LTN1: variants seen among roughly 807,000 people sequenced by gnomAD.
LTN1 encodes E3 ubiquitin-protein ligase listerin.
LTN1 carries 88 observed loss-of-function variants against 201.2 expected under a neutral mutation model. The ratio of observed to expected loss-of-function variants is 0.44; its 90% CI spans 0.37 to 0.52. LTN1 has a LOEUF of 0.52. LTN1 is among the 20% of genes least tolerant of loss of function. LTN1 has a pLI of 0.00. For missense variants in LTN1, 1,752 were observed against 2,038.7 expected (o/e 0.86, Z 2.71); for synonymous variants, 645 against 713.5 (o/e 0.90, Z 1.53).
rs1392399693 is a variant in LTN1, at chr21:28,953,574, C to T, written c.3080-198G>A. On this transcript the variant is annotated intron_variant, in intron 16 of 29. Coordinates refer to ENST00000361371, the MANE Select transcript of LTN1 (RefSeq NM_015565.3). ...ATATATGTCTGATACAAAATACCACCCTTTTCCCAAATTCTACTTGGTCCT... is the reference window on the plus strand; with the variant it reads ...ATATATGTCTGATACAAAATACCACTCTTTTCCCAAATTCTACTTGGTCCT... Among the ~76,000 whole-genome samples, 4 of 152,260 alleles carry T rather than the reference C, an allele frequency of 2.6e-5. No individual in the cohort carries two copies. In the East Asian group the frequency reaches 7.7e-4, roughly 29 times the overall value.
At chr21:28,981,364 T>G (rs2084657501) in intron 5 of LTN1, 65 bp from the exon 6 acceptor site, 1 of 897,312 alleles carries the variant, frequency 1.1e-6, no homozygotes, top group African/African-American at 1.7e-5. Flanking sequence ...TATCTGGTGG[T>G]TCTATTTAAA....
chr21:28,947,438 G>A, intron 19 of LTN1, 26 bp downstream of exon 19: 2 of 1,484,640 alleles, frequency 1.3e-6, no homozygotes, highest in East Asian at 2.6e-5. Context: ...TTAAATTAAT[G>A]AAATATTTAT....
rs1449513831 is a variant in LTN1 at position 28,928,530 on chromosome 21, TA to T, written c.*1917del. ...TTTTAAGGGCTGTAATCCTTTTAGT[TA>T]GAGTTGTCAACGCTGTACAGATGTG... On this transcript the variant is annotated 3_prime_UTR_variant, in exon 30 of 30. Coordinates refer to ENST00000361371, the MANE Select transcript of LTN1 (RefSeq NM_015565.3). 1 of 150,372 alleles carries T rather than the reference TA, an allele frequency of 6.7e-6. No homozygotes were observed. Among genetic ancestry groups the T allele is most frequent in the African/African-American group, 2.5e-5 (1 of 40,594 alleles). 9.3% of individuals were successfully genotyped at this position (150,372 alleles called of 1,614,324 possible). A position where few individuals can be genotyped will look rare whatever the true frequency, so the allele number is the denominator to read the frequency against.
At chr21:28,973,656 G>A (rs556969672) in intron 6 of LTN1, among the ~76,000 whole-genome samples, 1 of 152,154 alleles carries the variant, frequency 6.6e-6, no homozygotes, top group East Asian at 1.9e-4. Context: ...TAGAAATCAA[G>A]CATTCATTCA....
At chr21:28,969,633 T>C (rs1019707152) in intron 8 of LTN1, 32 bp from the exon 9 acceptor site, 20 of 1,519,828 alleles carry the variant, frequency 1.3e-5, no homozygotes, top group Non-Finnish European at 1.6e-5. Flanking sequence ...GATTACTCTT[T>C]CATGAAGAAG....
chr21:28,970,653 G>A lies in LTN1; in HGVS notation c.1074C>T (p.Val358=). Reference sequence around the variant, plus strand: ...TGAATGGCAGAAGGTAAGGATATATGACAGTAGCTAGACCCCGACCACCTT... The same window carrying A: ...TGAATGGCAGAAGGTAAGGATATATAACAGTAGCTAGACCCCGACCACCTT... ...IREGGRGLAT[V]IYPYLLPFIS... Residue 358 remains valine (V), a synonymous_variant, in exon 8 of 30, where the codon GTC becomes GTT. Transcript: ENST00000361371. 1 of 1,613,752 alleles carries A rather than the reference G, an allele frequency of 6.2e-7. No individual in the cohort carries two copies. The highest frequency in any genetic ancestry group is 2.2e-5 in the East Asian group (1 of 44,862).
chr21:28,946,192 A>G lies in LTN1; in HGVS notation c.3583T>C (p.Ser1195Pro). The stretch of plus-strand genomic sequence containing the variant: ...ATATCTTCATGCTCTTTCTTCCAGG[A>G]TATTATGATTTTTAATATTCCATGT... ...LLHGILKIII[S>P]WKKEHEDIFL... is the part of the protein sequence containing the mutation. Residue 1195 changes from serine to proline, a missense_variant, in exon 20 of 30, where the codon TCC becomes CCC. Around this residue, in one of 3 missense-constraint regions of LTN1, gnomAD observed 1,211 missense variants for 1,312.8 expected, o/e 0.92. Coordinates refer to ENST00000361371, the MANE Select transcript of LTN1 (RefSeq NM_015565.3). The G allele has an allele frequency of 1.3e-6, 2 of 1,588,944 alleles. No homozygotes were observed. Among genetic ancestry groups the G allele is most frequent in the Admixed American group, 3.7e-5 (2 of 54,696 alleles).
intron 6 of LTN1, among the ~76,000 whole-genome samples, chr21:28,977,317 T>C (rs1277595842): frequency 2.8e-5 from 4 of 144,568 alleles, no homozygotes; most frequent in African/African-American, 7.8e-5. Context: ...GAGGTTGCAG[T>C]GAGCTGAGAT....
At chr21:28,978,073 G>A (rs2084630520) in intron 6 of LTN1, among the ~76,000 whole-genome samples, 1 of 151,990 alleles carries the variant, frequency 6.6e-6, no homozygotes, top group Non-Finnish European at 1.5e-5. Context: ...TCTTCCCCTA[G>A]GCTGGAGTGC....
chr21:28,966,828 AT>A lies in LTN1; in HGVS notation c.1662del (p.Lys554AsnfsTer15). 6.2e-7 allele frequency: 1 copy of A among 1,611,678 alleles called. No homozygotes were observed. On this transcript the variant is annotated frameshift_variant, in exon 10 of 30. Coordinates refer to ENST00000361371, the MANE Select transcript of LTN1 (RefSeq NM_015565.3). LOFTEE classifies it high-confidence loss of function. ...ATCTTCTCTCCTTCTGAAGATACAC[AT>A]TTTTCATTCTCTTTATTGCTTTCAA... ...EILESNKENE[K>X]CVSSEGEKIE...
At chr21:28,947,786 TCC>T (rs1017773323) in intron 18 of LTN1, among the ~76,000 whole-genome samples, 180 bp from the exon 19 acceptor site, 8 of 152,004 alleles carry the variant, frequency 5.3e-5, no homozygotes, top group Non-Finnish European at 8.8e-5. Context: ...TTTTTTTTGC[TCC>T]TTTTCTCTTT....
chr21:28,972,946 T>C (rs1179344398), intron 6 of LTN1, among the ~76,000 whole-genome samples: 2 of 152,214 alleles, frequency 1.3e-5, no homozygotes, highest in Non-Finnish European at 2.9e-5. Flanking sequence ...ATAAGACTGA[T>C]AGTTAATTTT....
intron 6 of LTN1, among the ~76,000 whole-genome samples, chr21:28,979,276 A>G (rs987337703): frequency 1.3e-5 from 2 of 152,244 alleles, no homozygotes; most frequent in African/African-American, 4.8e-5. Flanking sequence ...GAAATTAGGT[A>G]TGCACACACT....
chr21:28,974,896 A>G (rs953795717), intron 6 of LTN1, among the ~76,000 whole-genome samples: 2 of 152,186 alleles, frequency 1.3e-5, no homozygotes, highest in Admixed American at 1.3e-4. Flanking sequence ...GCTTAAAGCT[A>G]AAACAAGAAA....
intron 7 of LTN1, 52 bp downstream of exon 7, chr21:28,971,219 C>T: frequency 7.2e-7 from 1 of 1,395,790 alleles, no homozygotes; most frequent in Non-Finnish European, 9.7e-7. Context: ...TTTGGATATT[C>T]TTATCTCATA....
At chr21:28,964,912 G>A in intron 11 of LTN1, 1 of 1,031,588 alleles carries the variant, frequency 9.7e-7, no homozygotes, top group Non-Finnish European at 1.3e-6. Context: ...ATAAACTAAG[G>A]CAAATAGTGT....
intron 20 of LTN1, 28 bp from the exon 21 acceptor site, chr21:28,945,979 A>G (rs1305162882): frequency 4.5e-6 from 7 of 1,571,460 alleles, no homozygotes; most frequent in Non-Finnish European, 6.1e-6. Context: ...ACAAAAGACA[A>G]TAAAAGATTA....
At chr21:28,957,979 A>T (rs577435623) in intron 14 of LTN1, among the ~76,000 whole-genome samples, 1 of 152,360 alleles carries the variant, frequency 6.6e-6, no homozygotes, top group East Asian at 1.9e-4. Flanking sequence ...GACAAAGGAT[A>T]GTATCACCAT....
At chr21:28,987,905 A>G (rs1289156930) in intron 1 of LTN1, among the ~76,000 whole-genome samples, 1 of 152,036 alleles carries the variant, frequency 6.6e-6, no homozygotes, top group Non-Finnish European at 1.5e-5. Context: ...GCACTTTGGA[A>G]GGCCAAGGCG....
Sources: allele counts gnomAD v4.1 joint callset (sites outside exome capture counted in the v4.1 genomes callset), GRCh38; gene constraint gnomAD v4.1.1; regional missense constraint gnomAD v4.1.1; transcripts MANE v1.5; gene names NCBI Gene and HGNC (gene_info 2026-07-23, HGNC 2026-07-21).